Variants in RPL10 observed in about 807,000 individuals in gnomAD.
RPL10 encodes ribosomal protein L10, also known as large ribosomal subunit protein uL16.
In RPL10, 1 loss-of-function variant was observed where a neutral mutation model predicts 15.7. The ratio of observed to expected loss-of-function variants is 0.06; its 90% confidence interval spans 0.02 to 0.30. The LOEUF is 0.30. Ranked by LOEUF, RPL10 falls within the 10% of genes least tolerant of loss-of-function variation. RPL10 has a pLI of 1.00. For synonymous variants in RPL10, 59 were observed against 64.0 expected, an observed-to-expected ratio of 0.92 and a Z score of 0.37; for missense variants, 54 against 183.4, an observed-to-expected ratio of 0.29 and a Z score of 4.08.
At chrX:154,399,435 G>T (rs782561381) in intron 3 of RPL10, 39 bp downstream of exon 3, 2 of 1,208,307 alleles carry the variant, frequency 1.7e-6, no homozygotes, top group Middle Eastern at 2.3e-4. Flanking sequence ...TTGGCTCTGC[G>T]GACTCCGCGT....
In RPL10 at chrX:154,401,072, T is replaced by C. The variant is rs1376295449; in HGVS notation, c.*218T>C. 9.4e-7 allele frequency: 1 copy of C among 1,058,412 alleles called. No homozygotes were observed. The allele number at this position is 1,058,412 out of a possible 1,213,427, so 87.2% of individuals were successfully genotyped here. On this transcript the variant is annotated 3_prime_UTR_variant, in exon 7 of 7. Transcript: ENST00000369817. ...GGGACTGGTGGCCTTATGTCAGTTGTCTACTCTGGAGCTTGACTTGGACCT... is the reference window on the plus strand; with the variant it reads ...GGGACTGGTGGCCTTATGTCAGTTGCCTACTCTGGAGCTTGACTTGGACCT...
chrX:154,398,685 C>A, intron 2 of RPL10, 143 bp downstream of exon 2: 1 of 732,999 alleles, frequency 1.4e-6, no homozygotes, highest in Non-Finnish European at 2.1e-6. Context: ...TTACACCTCC[C>A]GGCTATTTTT....
chrX:154,400,941 C>CCAGCAGCGTTTATTTA lies in RPL10; in HGVS notation c.*87_*88insCAGCAGCGTTTATTTA. On this transcript the variant is annotated 3_prime_UTR_variant, in exon 7 of 7. Coordinates refer to ENST00000369817, the MANE Select transcript of RPL10 (RefSeq NM_006013.5). ...TATGTCTTTGTATCTACATTCTTGA[C>CCAGCAGCGTTTATTTA]GGGGAAGGAACTTCCTCTGGGAACC... 2.5e-6 allele frequency: 3 copies of CCAGCAGCGTTTATTTA among 1,195,454 alleles called. No individual in the cohort carries two copies. The African/African-American group carries it at 5.2e-5, about 21-fold the overall frequency.
At chrX:154,400,089 T>G in intron 5 of RPL10, 148 bp downstream of exon 5, 4 of 678,632 alleles carry the variant, frequency 5.9e-6, no homozygotes, top group Non-Finnish European at 7.0e-6. Flanking sequence ...CAGTGGTCAC[T>G]CAGGACCCCT....
At chrX:154,400,119 G>A (rs144541262) in intron 5 of RPL10, 178 bp downstream of exon 5, 6,759 of 579,004 alleles carry the variant, frequency 0.012, 47 homozygotes, top group Non-Finnish European at 0.017. Flanking sequence ...TACAAACAAA[G>A]CATGAGTAAG....
upstream of RPL10, chrX:154,398,171 C>T: frequency 2.4e-6 from 1 of 421,813 alleles, no homozygotes; most frequent in Non-Finnish European, 4.3e-6. Flanking sequence ...AAGCCCCATT[C>T]GTCAGCTGGC....
chrX:154,398,867 G>C (rs1479831134), intron 2 of RPL10: 8 of 379,306 alleles, frequency 2.1e-5, no homozygotes, highest in Non-Finnish European at 3.8e-5. Flanking sequence ...TGCCGCGTGC[G>C]TTGTCGGACG....
intron 4 of RPL10, 76 bp from the exon 5 acceptor site, chrX:154,399,727 C>A: frequency 8.4e-7 from 1 of 1,187,203 alleles, no homozygotes; most frequent in African/African-American, 1.7e-5. Flanking sequence ...CACAGTTCCC[C>A]TGAGCTGGAG....
chrX:154,401,154 C>A lies in RPL10; in HGVS notation c.*300C>A. On this transcript the variant is annotated 3_prime_UTR_variant, in exon 7 of 7. Coordinates refer to ENST00000369817, the MANE Select transcript of RPL10 (RefSeq NM_006013.5). Reference sequence around the variant, plus strand: ...CTGAAGTGCTTTTCATGAAGCACAGCTGCAGCAAAGCCTTGCAATCCCAGG... The same window carrying A: ...CTGAAGTGCTTTTCATGAAGCACAGATGCAGCAAAGCCTTGCAATCCCAGG... 2.1e-6 allele frequency: 1 copy of A among 465,143 alleles called. No homozygotes were observed. The highest frequency in any genetic ancestry group is 3.3e-6 in the Non-Finnish European group (1 of 299,111). 38.3% of individuals were successfully genotyped at this position (465,143 alleles called of 1,213,427 possible). A position where few individuals can be genotyped will look rare whatever the true frequency, so the allele number is the denominator to read the frequency against.
At chrX:154,398,307 G>A (rs782249054), upstream of RPL10, 9 of 557,106 alleles carry the variant, frequency 1.6e-5, no homozygotes, top group Non-Finnish European at 2.9e-5. Context: ...ACCCGTCTTC[G>A]ACAGGACTCT....
At chrX:154,398,567 C>T (rs782727968) in intron 2 of RPL10, 25 bp downstream of exon 2, 1 of 1,210,393 alleles carries the variant, frequency 8.3e-7, no homozygotes, top group Admixed American at 2.2e-5. Context: ...CGTGTACTTT[C>T]ACTGCTGGGA....
rs782404586 is a variant in RPL10 at position 154,399,438 on chromosome X, C to T, written c.82+42C>T. The T allele has an allele frequency of 5.0e-6, 6 of 1,207,386 alleles. No homozygotes were observed. The Admixed American group carries it at 6.5e-5, about 13-fold the overall frequency. ...CCCCTGCACTGGTTGGCTCTGCGGA[C>T]TCCGCGTCCGTCTGTGACACCCCCT... On this transcript the variant is annotated intron_variant, in intron 3 of 6. Transcript: ENST00000369817.
chrX:154,399,209 C>A (rs1232642004), intron 2 of RPL10, 129 bp from the exon 3 acceptor site: 14 of 649,317 alleles, frequency 2.2e-5, no homozygotes, highest in Admixed American at 1.1e-4. Flanking sequence ...CGAATGGAAA[C>A]GGTTTAGAAG....
In RPL10 at chrX:154,402,005, A is replaced by G. The variant is rs2068051157; in HGVS notation, c.*1151A>G. On this transcript the variant is annotated 3_prime_UTR_variant, in exon 7 of 7. Coordinates refer to ENST00000369817, the MANE Select transcript of RPL10 (RefSeq NM_006013.5). ...GCCCCTTTCCGGGACACCTGGGTTC[A>G]CACAGCTTTTTAGCTTACATAACTG... The G allele has an allele frequency of 8.9e-6, 1 of 111,854 alleles. No homozygotes were observed. The highest frequency in any genetic ancestry group is 1.9e-5 in the Non-Finnish European group (1 of 53,215). 9.2% of individuals were successfully genotyped at this position (111,854 alleles called of 1,213,427 possible).
chrX:154,401,174 C>T lies in RPL10; in HGVS notation c.*320C>T, dbSNP rs1294859491. The T allele has an allele frequency of 1.0e-5, 4 of 384,386 alleles. No individual in the cohort carries two copies. The highest frequency in any genetic ancestry group is 1.3e-5 in the Non-Finnish European group (3 of 234,062). The allele number at this position is 384,386 out of a possible 1,213,427, so 31.7% of individuals were successfully genotyped here. A position where few individuals can be genotyped will look rare whatever the true frequency, so the allele number is the denominator to read the frequency against. On this transcript the variant is annotated 3_prime_UTR_variant, in exon 7 of 7. Transcript: ENST00000369817. ...CACAGCTGCAGCAAAGCCTTGCAAT[C>T]CCAGGCTGGGGTCAGCCTACAGTTG...
At position 154,400,825 on chromosome X, in the gene RPL10, C is replaced by A. The variant is rs387906727; in HGVS notation, c.616C>A (p.Leu206Met). 2 of 1,212,020 alleles carry A rather than the reference C, an allele frequency of 1.7e-6. No individual in the cohort carries two copies. The highest frequency in any genetic ancestry group is 2.2e-6 in the Non-Finnish European group (2 of 895,554). The change falls in exon 7 of 7, where the codon CTG (leucine) becomes ATG (methionine). Residue 206 changes from leucine (L) to methionine (M), a missense_variant. By Grantham distance (15) the Leu-to-Met change is conservative. Around this residue, in one of 3 missense-constraint regions of RPL10, gnomAD observed 32 missense variants for 76.0 expected, o/e 0.42. Coordinates refer to ENST00000369817, the MANE Select transcript of RPL10 (RefSeq NM_006013.5). ...CAAGTACATCCCCAGTCGTGGCCCTCTGGACAAGTGGCGGGCCCTGCACTC... is the reference window on the plus strand; with the variant it reads ...CAAGTACATCCCCAGTCGTGGCCCTATGGACAAGTGGCGGGCCCTGCACTC... ...GVKYIPSRGP[L>M]DKWRALHS
chrX:154,398,721 C>T (rs1194210371), intron 2 of RPL10, 179 bp downstream of exon 2: 10 of 539,280 alleles, frequency 1.9e-5, no homozygotes, highest in African/African-American at 1.6e-4. Context: ...CTGTCTGTTC[C>T]TTCGTTCCCG....
intron 2 of RPL10, chrX:154,399,097 A>G (rs1485075928): frequency 3.7e-5 from 17 of 460,042 alleles, no homozygotes; most frequent in Non-Finnish European, 5.9e-5. Context: ...AAGTGTTTAT[A>G]GGAAGCGTAA....
At position 154,398,397 on chromosome X, in the gene RPL10, G is replaced by A. The variant is rs915942; in HGVS notation, c.-24+3G>A. 0.13 allele frequency: 118,290 copies of A among 886,049 alleles called. 6,838 individuals are homozygous for A. Among genetic ancestry groups the A allele is most frequent in the African/African-American group, 0.34 (17,448 of 51,043 alleles). 73.0% of individuals were successfully genotyped at this position (886,049 alleles called of 1,213,427 possible). ...AGCGCCTCTTTCCCTTCGGTGTGGT[G>A]AGTAAGCGCAGTTGTCGTCTCTTGC... On this transcript the variant is annotated splice_donor_region_variant and intron_variant, in intron 1 of 6. Coordinates refer to ENST00000369817, the MANE Select transcript of RPL10 (RefSeq NM_006013.5).
Sources: gnomAD v4.1 joint callset for allele counts on GRCh38, gnomAD v4.1.1 for gene constraint, gnomAD v4.1.1 regional missense constraint, MANE v1.5 for transcripts, NCBI Gene and HGNC (gene_info 2026-07-23, HGNC 2026-07-21) for gene names.